KCTD16: variants seen among roughly 807,000 people sequenced by gnomAD.
KCTD16 encodes the protein BTB/POZ domain-containing protein KCTD16.
A neutral mutation model predicts 33.2 loss-of-function variants in KCTD16; 13 were observed. That is an observed-to-expected ratio of 0.39 (90% CI 0.25 to 0.62). The LOEUF is 0.62. Among genes scored for constraint, KCTD16 ranks in the 20% least tolerant of loss-of-function variants. The pLI is 0.50. For missense variants in KCTD16, 441 were observed against 525.1 expected, an observed-to-expected ratio of 0.84 and a Z score of 1.57; for synonymous variants, 197 against 195.3, an observed-to-expected ratio of 1.01 and a Z score of -0.07.
At chr5:144,436,427 G>A (rs901578720) in intron 3 of KCTD16, among the ~76,000 whole-genome samples, 1 of 152,012 alleles carries the variant, frequency 6.6e-6, no homozygotes, top group Non-Finnish European at 1.5e-5. Flanking sequence ...TATTGTTCAT[G>A]GCTTAGAGGA....
intron 3 of KCTD16, among the ~76,000 whole-genome samples, chr5:144,359,818 G>T (rs557889234): frequency 5.9e-5 from 9 of 151,996 alleles, no homozygotes; most frequent in Admixed American, 2.6e-4. Flanking sequence ...TTATCTAGGG[G>T]TCTTATTCTA....
At chr5:144,459,824 C>CTTTTTTTTT (rs70995051) in intron 3 of KCTD16, among the ~76,000 whole-genome samples, 21 of 66,768 alleles carry the variant, frequency 3.1e-4, no homozygotes, top group African/African-American at 3.7e-4. Flanking sequence ...CCAATATCAT[C>CTTTTTTTTT]TTTTTTTTTT....
At chr5:144,304,170 C>A (rs1327435035) in intron 3 of KCTD16, among the ~76,000 whole-genome samples, 1 of 152,114 alleles carries the variant, frequency 6.6e-6, no homozygotes, top group Admixed American at 6.5e-5. Flanking sequence ...GATAAAAATT[C>A]ACTTATTTTA....
chr5:144,301,067 C>G (rs1751425479), intron 3 of KCTD16, among the ~76,000 whole-genome samples: 1 of 151,786 alleles, frequency 6.6e-6, no homozygotes, highest in Non-Finnish European at 1.5e-5. Context: ...ACGGTGAAAC[C>G]CCGTCTCTAC....
intron 2 of KCTD16, among the ~76,000 whole-genome samples, chr5:144,199,631 G>A (rs1753003575): frequency 6.6e-6 from 1 of 150,892 alleles, no homozygotes; most frequent in South Asian, 2.1e-4. Flanking sequence ...AAACACATAT[G>A]TGGGAGTTGG....
intron 3 of KCTD16, among the ~76,000 whole-genome samples, chr5:144,423,421 A>G (rs897205358): frequency 1.3e-5 from 2 of 152,138 alleles, no homozygotes; most frequent in Non-Finnish European, 1.5e-5. Context: ...GGAGAGAGAT[A>G]ATGACTTCTT....
At chr5:144,262,877 G>A (rs1003081281) in intron 3 of KCTD16, among the ~76,000 whole-genome samples, 2 of 152,108 alleles carry the variant, frequency 1.3e-5, no homozygotes, top group African/African-American at 2.4e-5. Context: ...TGAGCTCTCT[G>A]AGGGCTGGGA....
chr5:144,214,328 C>A (rs1042918446), intron 3 of KCTD16, among the ~76,000 whole-genome samples: 1 of 152,088 alleles, frequency 6.6e-6, no homozygotes, highest in Non-Finnish European at 1.5e-5. Flanking sequence ...CTCCCCCTCC[C>A]GCATCCAGTA....
Position 144,432,122 on chromosome 5 carries a change from A to T in KCTD16, c.833-41538A>T, listed in dbSNP as rs143836643. Among the ~76,000 whole-genome samples, 69 of 152,224 alleles carry T rather than the reference A, an allele frequency of 4.5e-4. 1 individual carries two copies. In the East Asian group the frequency reaches 0.012, roughly 27 times the overall value. ...ACAGATGCTGTTTGGCAATATATAC[A>T]TTTAGGTCTTCATGCCATTTCACTG... On this transcript the variant is annotated intron_variant, in intron 3 of 3. Coordinates refer to ENST00000512467, the MANE Select transcript of KCTD16 (RefSeq NM_020768.4).
chr5:144,457,467 G>A (rs1350202118), intron 3 of KCTD16, among the ~76,000 whole-genome samples: 1 of 152,162 alleles, frequency 6.6e-6, no homozygotes, highest in Non-Finnish European at 1.5e-5. Flanking sequence ...CAGGTTAAGG[G>A]AGGAGGGGGA....
At chr5:144,255,105 A>G (rs983143412) in intron 3 of KCTD16, among the ~76,000 whole-genome samples, 8 of 152,118 alleles carry the variant, frequency 5.3e-5, no homozygotes, top group Admixed American at 1.3e-4. Context: ...ATGTGGCATA[A>G]TGTCCTCAAT....
chr5:144,381,463 G>T (rs1489409510), intron 3 of KCTD16, among the ~76,000 whole-genome samples: 1 of 152,180 alleles, frequency 6.6e-6, no homozygotes, highest in Non-Finnish European at 1.5e-5. Flanking sequence ...TTGGCTCAAG[G>T]CTCTGCAGGC....
chr5:144,327,691 A>G (rs1554087701), intron 3 of KCTD16, among the ~76,000 whole-genome samples: 1 of 152,124 alleles, frequency 6.6e-6, no homozygotes, highest in Non-Finnish European at 1.5e-5. Context: ...AAAAAATCAT[A>G]TTTTTGGAAA....
chr5:144,438,639 T>C (rs907482518), intron 3 of KCTD16, among the ~76,000 whole-genome samples: 1 of 152,194 alleles, frequency 6.6e-6, no homozygotes, highest in African/African-American at 2.4e-5. Context: ...TTTGAAAACA[T>C]AGGCTGGGTC....
At chr5:144,417,610 T>C (rs1261518387) in intron 3 of KCTD16, among the ~76,000 whole-genome samples, 1 of 152,224 alleles carries the variant, frequency 6.6e-6, no homozygotes, top group Admixed American at 6.6e-5. Context: ...TTTAAATTTT[T>C]GATGAGATAC....
intron 3 of KCTD16, among the ~76,000 whole-genome samples, chr5:144,255,184 G>A (rs1024159597): frequency 6.6e-6 from 1 of 152,184 alleles, no homozygotes; most frequent in Non-Finnish European, 1.5e-5. Context: ...TTCATTACAT[G>A]TATGTGTATA....
intron 3 of KCTD16, among the ~76,000 whole-genome samples, chr5:144,330,222 G>C (rs576991637): frequency 6.6e-6 from 1 of 151,930 alleles, no homozygotes; most frequent in African/African-American, 2.4e-5. Flanking sequence ...AGACCAGCCC[G>C]ACCAATATGG....
At chr5:144,294,315 G>C (rs1164667131) in intron 3 of KCTD16, among the ~76,000 whole-genome samples, 1 of 152,066 alleles carries the variant, frequency 6.6e-6, no homozygotes, top group Non-Finnish European at 1.5e-5. Context: ...AACAGCTATT[G>C]ACTTACTTTC....
At chr5:144,280,749 C>A (rs1207413826) in intron 3 of KCTD16, among the ~76,000 whole-genome samples, 1 of 152,160 alleles carries the variant, frequency 6.6e-6, no homozygotes, top group Non-Finnish European at 1.5e-5. Context: ...ATGGTGAAAC[C>A]CCATCTCTAC....
Sources: gnomAD v4.1 joint callset for allele counts (sites outside exome capture counted in the v4.1 genomes callset) on GRCh38, gnomAD v4.1.1 for gene constraint, MANE v1.5 for transcripts, NCBI Gene and HGNC (gene_info 2026-07-23, HGNC 2026-07-21) for gene names.